Variants in NXPE2 observed in about 807,000 individuals in gnomAD.
The protein encoded by NXPE2 is NXPE family member 2.
A neutral mutation model predicts 34.4 loss-of-function variants in NXPE2; 34 were observed. That is an observed-to-expected ratio of 0.99 (90% CI 0.75 to 1.31). NXPE2 has a LOEUF of 1.31. Ranked by LOEUF, NXPE2 falls within the 40% of genes most tolerant of loss-of-function variation. NXPE2 has a pLI of 0.00. For synonymous variants in NXPE2, 235 were observed against 231.3 expected (o/e 1.02, Z -0.15); for missense variants, 649 against 672.5 (o/e 0.97, Z 0.39).
the NXPE2 span, among the ~76,000 whole-genome samples, chr11:114,610,848 A>G: frequency 6.6e-6 from 1 of 150,584 alleles, no homozygotes; most frequent in Non-Finnish European, 1.5e-5. Context: ...TATTGCCTCT[A>G]GGGTAACCAC....
chr11:114,735,110 A>AAATAAT, the NXPE2 span, among the ~76,000 whole-genome samples: 19 of 151,656 alleles, frequency 1.3e-4, no homozygotes, highest in South Asian at 2.3e-3. Context: ...ACTCTGTCTC[A>AAATAAT]AATAATAATA....
the NXPE2 span, among the ~76,000 whole-genome samples, chr11:114,586,764 A>C: frequency 1.1e-4 from 17 of 152,094 alleles, no homozygotes; most frequent in Admixed American, 5.9e-4. Context: ...AGCTTTTTCT[A>C]TTGCAAATTT....
At chr11:114,633,667 A>C in the NXPE2 span, among the ~76,000 whole-genome samples, 12 of 134,284 alleles carry the variant, frequency 8.9e-5, no homozygotes, top group Non-Finnish European at 1.4e-4. Flanking sequence ...TCCTGTGTCC[A>C]TGTGTTCTCA....
chr11:114,640,180 TATTA>T, the NXPE2 span, among the ~76,000 whole-genome samples: 2 of 134,776 alleles, frequency 1.5e-5, no homozygotes, highest in African/African-American at 5.4e-5. Flanking sequence ...ATAATTTATA[TATTA>T]TATATAATTT....
In NXPE2 at chr11:114,700,318, G is replaced by T. The variant is rs1056871897; in HGVS notation, c.866+1540G>T. The stretch of plus-strand genomic sequence containing the variant: ...TAACATGAAGGTCATAAGAGTAACA[G>T]TTTCAAACGTGATGGTTGATGCTAT... On this transcript the variant is annotated intron_variant, in intron 3 of 5. Transcript: ENST00000389586. 1.6e-4 allele frequency among the ~76,000 whole-genome samples: 24 copies of T among 152,308 alleles called. 1 individual carries two copies. Among genetic ancestry groups the T allele is most frequent in the Admixed American group, 5.2e-4 (8 of 15,306 alleles).
At chr11:114,542,993 G>T in the NXPE2 span, among the ~76,000 whole-genome samples, 3 of 152,156 alleles carry the variant, frequency 2.0e-5, no homozygotes, top group East Asian at 3.8e-4. Context: ...AGTGGCTTAT[G>T]CCTATAATCC....
At chr11:114,681,436 G>C (rs1049604355) in intron 2 of NXPE2, among the ~76,000 whole-genome samples, 3 of 152,180 alleles carry the variant, frequency 2.0e-5, no homozygotes, top group Admixed American at 2.0e-4. Flanking sequence ...CCTTGGCACA[G>C]TGTTTTATTG....
the NXPE2 span, chr11:114,582,341 A>G: frequency 1.2e-6 from 2 of 1,603,660 alleles, no homozygotes; most frequent in Non-Finnish European, 1.7e-6. Flanking sequence ...TCTTGTTCTT[A>G]GAATACATGT....
chr11:114,698,448 T>C lies in NXPE2; in HGVS notation c.536T>C (p.Phe179Ser). ...AACAACGGCACCTACCTGGTCAGCT[T>C]CACTCTGTTCTGGGAGGGCCAGGTT... ...DFNNGTYLVSFTLFWEGQVSL... is the reference protein window; with the variant it reads ...DFNNGTYLVSSTLFWEGQVSL... Residue 179 changes from phenylalanine to serine, a missense_variant, in exon 3 of 6, where the codon TTC becomes TCC. Transcript: ENST00000389586. The C allele has an allele frequency of 6.2e-7, 1 of 1,614,030 alleles. No homozygotes were observed. The highest frequency in any genetic ancestry group is 8.5e-7 in the Non-Finnish European group (1 of 1,179,934).
At chr11:114,731,557 C>T in the NXPE2 span, among the ~76,000 whole-genome samples, 1 of 152,162 alleles carries the variant, frequency 6.6e-6, no homozygotes, top group Non-Finnish European at 1.5e-5. Context: ...AAGGAACAAG[C>T]TGCTGATACA....
At chr11:114,769,924 A>G in the NXPE2 span, among the ~76,000 whole-genome samples, 1 of 152,216 alleles carries the variant, frequency 6.6e-6, no homozygotes, top group African/African-American at 2.4e-5. Flanking sequence ...ACAAACCTGC[A>G]CGTTCTGCAC....
At chr11:114,813,273 T>C in the NXPE2 span, among the ~76,000 whole-genome samples, 175 of 152,282 alleles carry the variant, frequency 1.1e-3, no homozygotes, top group African/African-American at 4.2e-3. Flanking sequence ...CTAGGATCTG[T>C]TTGTCTGGGC....
At chr11:114,759,084 G>A in the NXPE2 span, among the ~76,000 whole-genome samples, 5 of 145,076 alleles carry the variant, frequency 3.4e-5, no homozygotes, top group East Asian at 2.0e-4. Flanking sequence ...ACGCACATGC[G>A]TACACATGCG....
chr11:114,513,172 T>C, the NXPE2 span: 6 of 553,408 alleles, frequency 1.1e-5, no homozygotes, highest in African/African-American at 1.9e-5. Context: ...GCTTCCTATG[T>C]CCCAAGTGGT....
At chr11:114,501,377 T>C in the NXPE2 span, among the ~76,000 whole-genome samples, 1 of 152,184 alleles carries the variant, frequency 6.6e-6, no homozygotes, top group African/African-American at 2.4e-5. Context: ...TCAAAGCTTT[T>C]CATTATTTCA....
chr11:114,793,311 A>G, the NXPE2 span, among the ~76,000 whole-genome samples: 2 of 151,864 alleles, frequency 1.3e-5, no homozygotes, highest in South Asian at 2.1e-4. Context: ...TTTCTACTCT[A>G]TTTTCTGTGT....
the NXPE2 span, among the ~76,000 whole-genome samples, chr11:114,606,288 TAA>T: frequency 4.6e-5 from 7 of 151,568 alleles, 1 homozygote; most frequent in African/African-American, 1.7e-4. Flanking sequence ...TGGTGGATAA[TAA>T]ATGTTGCCTC....
the NXPE2 span, among the ~76,000 whole-genome samples, chr11:114,645,039 T>G: frequency 1.3e-5 from 2 of 151,968 alleles, no homozygotes; most frequent in African/African-American, 2.4e-5. Flanking sequence ...TAGTGTTTTA[T>G]GCCTGTAATC....
the NXPE2 span, among the ~76,000 whole-genome samples, chr11:114,718,186 A>G: frequency 6.6e-6 from 1 of 152,222 alleles, no homozygotes; most frequent in Non-Finnish European, 1.5e-5. Flanking sequence ...TTCAAATCCC[A>G]ACCTGGTTCC....
Sources: allele counts gnomAD v4.1 joint callset (sites outside exome capture counted in the v4.1 genomes callset), GRCh38; gene constraint gnomAD v4.1.1; transcripts MANE v1.5; gene names NCBI Gene and HGNC (gene_info 2026-07-23, HGNC 2026-07-21).